MUC6: variants seen among roughly 807,000 people sequenced by gnomAD.
The protein encoded by MUC6 is mucin-6.
Under a neutral mutation model 201.5 loss-of-function variants are expected in MUC6, and 188 were observed. That is an observed-to-expected ratio of 0.93 (90% CI 0.83 to 1.05). MUC6 has a LOEUF of 1.05. MUC6 is among the 50% of genes least tolerant of loss of function. The probability of loss-of-function intolerance (pLI) is 0.00; values close to 1 mark genes in which losing one functional copy is unlikely to be tolerated. For missense variants in MUC6, 2,706 were observed against 3,256.9 expected (o/e 0.83, Z 4.12); for synonymous variants, 1,228 against 1,389.4 (o/e 0.88, Z 2.58).
intron 18 of MUC6, 36 bp from the exon 19 acceptor site, chr11:1,027,086 G>T: frequency 6.2e-7 from 1 of 1,609,104 alleles, no homozygotes; most frequent in East Asian, 2.2e-5. Context: ...AGGACACTCA[G>T]AGGAAGCCGG....
At chr11:1,021,758 T>C (rs960232162) in intron 26 of MUC6, among the ~76,000 whole-genome samples, 1 of 151,938 alleles carries the variant, frequency 6.6e-6, no homozygotes, top group South Asian at 2.1e-4. Flanking sequence ...GGTGCCATCT[T>C]CCAGTCCTCA....
rs570393440 is a variant in MUC6, at chr11:1,023,497, G to A, written c.3526+12C>T. The A allele has an allele frequency of 3.4e-5, 54 of 1,565,530 alleles. No homozygotes were observed. The East Asian group carries it at 8.3e-4, about 24-fold the overall frequency. On this transcript the variant is annotated intron_variant, in intron 26 of 32. Coordinates refer to ENST00000421673, the MANE Select transcript of MUC6 (RefSeq NM_005961.3). ...CCCTGTGTATCTGCGTTGCCTCCCG[G>A]TCACCTGGCACCTTCGATGTTGCTG...
At chr11:1,030,369 C>CCCCCCCCCCCCCCCCT in intron 7 of MUC6, 34 bp from the exon 8 acceptor site, 1 of 1,523,304 alleles carries the variant, frequency 6.6e-7, no homozygotes, top group African/African-American at 1.4e-5. Context: ...GAGAGGGTCC[C>CCCCCCCCCCCCCCCCT]ACCCCCCCCA....
Position 1,013,389 on chromosome 11 carries a change from G to A in MUC6, c.*67C>T, listed in dbSNP as rs1856522045. On this transcript the variant is annotated 3_prime_UTR_variant, in exon 33 of 33. Coordinates refer to ENST00000421673, the MANE Select transcript of MUC6 (RefSeq NM_005961.3). ...AGCTGCTGGCACAAGCGGGAAGGGG[G>A]CTGGTGGGTGTTTTCCTGTCTGTCA... The A allele has an allele frequency of 2.8e-6, 4 of 1,452,268 alleles. No homozygotes were observed. Among genetic ancestry groups the A allele is most frequent in the Admixed American group, 2.2e-5 (1 of 45,098 alleles). The allele number at this position is 1,452,268 out of a possible 1,614,324, so 90.0% of individuals were successfully genotyped here. A position where few individuals can be genotyped will look rare whatever the true frequency, so the allele number is the denominator to read the frequency against.
intron 26 of MUC6, among the ~76,000 whole-genome samples, chr11:1,022,299 C>A (rs574963823): frequency 6.7e-6 from 1 of 150,048 alleles, no homozygotes; most frequent in Admixed American, 6.6e-5. Flanking sequence ...AGCCCCGCGC[C>A]CCTCACTCAC....
In MUC6 at chr11:1,019,363, G is replaced by A. The variant is rs758829843; in HGVS notation, c.3942C>T (p.Ser1314=). 1 of 1,613,832 alleles carries A rather than the reference G, an allele frequency of 6.2e-7. No homozygotes were observed. The highest frequency in any genetic ancestry group is 1.1e-5 in the South Asian group (1 of 91,080). The change falls in exon 30 of 33, where the codon AGC becomes AGT. Residue 1314 remains serine, a synonymous_variant. Transcript: ENST00000421673. The part of the protein sequence containing the change: ...ATTRATASTA[S]PATTSTAQST... The stretch of plus-strand genomic sequence containing the variant: ...ACTGAGCTGTGGACGTCGTGGCTGG[G>A]CTGGCGGTCGACGCCGTGGCCCTGG...
Position 1,029,220 on chromosome 11 carries a change from C to G in MUC6, c.1275+8G>C, listed in dbSNP as rs138716331. ...GCCCCTCCCCACGGGCCACAGGGCT[C>G]GTCCTACCTGGAGGAGGATGTAGGT... On this transcript the variant is annotated splice_region_variant and intron_variant, in intron 10 of 32. Coordinates refer to ENST00000421673, the MANE Select transcript of MUC6 (RefSeq NM_005961.3). The G allele has an allele frequency of 1.2e-6, 2 of 1,606,702 alleles. No homozygotes were observed. The highest frequency in any genetic ancestry group is 8.5e-7 in the Non-Finnish European group (1 of 1,177,322).
At chr11:1,022,380 C>T (rs998709279) in intron 26 of MUC6, among the ~76,000 whole-genome samples, 6 of 152,212 alleles carry the variant, frequency 3.9e-5, no homozygotes, top group African/African-American at 9.7e-5. Flanking sequence ...GCCCCTCACT[C>T]GCTGGCTCTG....
In MUC6 at chr11:1,013,217, C is replaced by T. The variant is rs1481493190; in HGVS notation, c.*239G>A. The T allele has an allele frequency of 9.0e-6, 5 of 556,266 alleles. No individual in the cohort carries two copies. The highest frequency in any genetic ancestry group is 6.9e-5 in the Admixed American group (2 of 28,898). 34.5% of individuals were successfully genotyped at this position (556,266 alleles called of 1,614,324 possible). ...CCTGTGTGCCTGGGAGGTCCGTGAC[C>T]ACTGTCCGCCTCAGTCCCTCTCTGC... is the stretch of plus-strand genomic sequence containing the variant. On this transcript the variant is annotated 3_prime_UTR_variant, in exon 33 of 33. Transcript: ENST00000421673.
chr11:1,018,794 A>G, intron 30 of MUC6, 24 bp from the exon 31 acceptor site: 1 of 1,537,382 alleles, frequency 6.5e-7, no homozygotes, highest in Non-Finnish European at 8.7e-7. Context: ...TGAAGTTGTC[A>G]TCGTTATTGT....
intron 26 of MUC6, 93 bp downstream of exon 26, chr11:1,023,416 G>GTGAA (rs1202231614): frequency 7.1e-7 from 1 of 1,416,756 alleles, no homozygotes; most frequent in South Asian, 1.3e-5. Flanking sequence ...GAATGAATGT[G>GTGAA]TGAATGAATG....
chr11:1,028,305 A>G lies in MUC6; in HGVS notation c.1674T>C (p.Phe558=). Reference sequence around the variant, plus strand: ...AGTTCCCCGCCCGCCAGGAGTCCACAAACAGCGAGGCGGTGCCCTCGGCGA... The same window carrying G: ...AGTTCCCCGCCCGCCAGGAGTCCACGAACAGCGAGGCGGTGCCCTCGGCGA... The part of the protein sequence containing the change: ...MGIAEGTASL[F]VDSWRAGNCP... Residue 558 remains phenylalanine (F), a synonymous_variant, in exon 14 of 33, where the codon TTT becomes TTC. Transcript: ENST00000421673. The G allele has an allele frequency of 1.2e-6, 2 of 1,611,404 alleles. No homozygotes were observed. Among genetic ancestry groups the G allele is most frequent in the Non-Finnish European group, 1.7e-6 (2 of 1,179,440 alleles).
At chr11:1,035,891 G>A (rs1181732263) in intron 1 of MUC6, among the ~76,000 whole-genome samples, 2 of 152,162 alleles carry the variant, frequency 1.3e-5, no homozygotes, top group Non-Finnish European at 2.9e-5. Flanking sequence ...CAGGTCTCAG[G>A]CTGCGGCCAC....
At position 1,028,023 on chromosome 11, in the gene MUC6, C is replaced by G. The variant is rs374494574; in HGVS notation, c.1790G>C (p.Arg597Thr). Residue 597 changes from arginine (R) to threonine (T), a missense_variant, in exon 15 of 33, where the codon AGG (arginine) becomes ACG (threonine). Arg to Thr is a moderately conservative substitution (Grantham distance 71, BLOSUM62 -1). This residue lies in a region of MUC6 where 1,850 missense variants were observed against 1,958.3 expected (regional missense o/e 0.94). Coordinates refer to ENST00000421673, the MANE Select transcript of MUC6 (RefSeq NM_005961.3). Reference sequence around the variant, plus strand: ...GCACCTCTCGAACACCGTGCCTGTCCTCAGCAGCATGGAGCAGTGGGTCTC... The same window carrying G: ...GCACCTCTCGAACACCGTGCCTGTCGTCAGCAGCATGGAGCAGTGGGTCTC... ...CAETHCSMLL[R>T]TGTVFERCHA... 34 of 1,585,324 alleles carry G rather than the reference C, an allele frequency of 2.1e-5. No individual in the cohort carries two copies. The highest frequency in any genetic ancestry group is 2.9e-5 in the Non-Finnish European group (34 of 1,166,252).
Position 1,036,593 on chromosome 11 carries a change from A to T in MUC6, c.52+11T>A. On this transcript the variant is annotated intron_variant, in intron 1 of 32. Coordinates refer to ENST00000421673, the MANE Select transcript of MUC6 (RefSeq NM_005961.3). ...GCACCGCAGTGTCTGGCGCCCCTCG[A>T]CCTCACTCACCAGCGCTGAGCAGGG... 1 of 1,548,798 alleles carries T rather than the reference A, an allele frequency of 6.5e-7. No individual in the cohort carries two copies.
At chr11:1,020,512 C>T (rs1337892699) in intron 28 of MUC6, among the ~76,000 whole-genome samples, 172 bp downstream of exon 28, 6 of 152,112 alleles carry the variant, frequency 3.9e-5, no homozygotes, top group African/African-American at 1.4e-4. Flanking sequence ...CAGGCTGCTT[C>T]CTGGCTGTGG....
Position 1,013,486 on chromosome 11 carries a change from G to C in MUC6, c.7290C>G (p.Cys2430Trp). The change falls in exon 33 of 33, where the codon TGC (cysteine) becomes TGG (tryptophan). Residue 2430 changes from cysteine (C) to tryptophan (W), a missense_variant. This residue lies in a region of MUC6 where 586 missense variants were observed against 488.0 expected (regional missense o/e 1.20). Coordinates refer to ENST00000421673, the MANE Select transcript of MUC6 (RefSeq NM_005961.3). ...LVLTLQVFSH[C>W]VCSSVACGD ...CTCCACAGGCCACAGAGCTGCACAC[G>C]CAGTGGCTGAACACCTGCAGGGTGA... is the stretch of plus-strand genomic sequence containing the variant. 6.3e-7 allele frequency: 1 copy of C among 1,585,450 alleles called. No homozygotes were observed. Among genetic ancestry groups the C allele is most frequent in the Non-Finnish European group, 8.6e-7 (1 of 1,167,334 alleles).
Position 1,029,027 on chromosome 11 carries a change from G to A in MUC6, c.1380+19C>T, listed in dbSNP as rs1857035164. ...GAGCGGAGCCCTGCTGGCAGGGATG[G>A]GCGCAGGAAAGGCCTTACCTGCCTG... On this transcript the variant is annotated intron_variant, in intron 11 of 32. Transcript: ENST00000421673. The A allele has an allele frequency of 3.1e-6, 5 of 1,612,686 alleles. No individual in the cohort carries two copies. The highest frequency in any genetic ancestry group is 1.3e-5 in the African/African-American group (1 of 75,030).
Position 1,026,382 on chromosome 11 carries a change from A to G in MUC6, c.2491T>C (p.Phe831Leu), listed in dbSNP as rs1427934433. 1 of 1,605,854 alleles carries G rather than the reference A, an allele frequency of 6.2e-7. No individual in the cohort carries two copies. Among genetic ancestry groups the G allele is most frequent in the Non-Finnish European group, 8.5e-7 (1 of 1,176,870 alleles). The change falls in exon 20 of 33, where the codon TTC (phenylalanine) becomes CTC (leucine). Residue 831 changes from phenylalanine to leucine, a missense_variant. Physicochemically the swap from Phe to Leu is conservative, Grantham distance 22. Transcript: ENST00000421673. Reference protein sequence around the residue: ...CVPPEECPCEFSGVSYPGGAE... With the variant: ...CVPPEECPCELSGVSYPGGAE... The stretch of plus-strand genomic sequence containing the variant: ...CCTCCAGGGTAGGAGACCCCCGAGA[A>G]CTCACATGGGCACTCCTCGGGGGGC...
Sources: gnomAD v4.1 joint callset for allele counts (sites outside exome capture counted in the v4.1 genomes callset) on GRCh38, gnomAD v4.1.1 for gene constraint, gnomAD v4.1.1 regional missense constraint, MANE v1.5 for transcripts, NCBI Gene and HGNC (gene_info 2026-07-23, HGNC 2026-07-21) for gene names.